The following DIAPH3 variants were observed in gnomAD, a reference collection of about 807,000 sequenced individuals.
The protein encoded by DIAPH3 is diaphanous related formin 3.
Under a neutral mutation model 144.3 loss-of-function variants are expected in DIAPH3, and 117 were observed. That is an observed-to-expected ratio of 0.81 (90% confidence interval 0.70 to 0.95). DIAPH3 has a LOEUF of 0.95. Among genes scored for constraint, DIAPH3 ranks in the 40% least tolerant of loss-of-function variants. DIAPH3 has a pLI of 0.00. For synonymous variants in DIAPH3, 519 were observed against 488.9 expected, an observed-to-expected ratio of 1.06 and a Z score of -0.81; for missense variants, 1,421 against 1,412.7, an observed-to-expected ratio of 1.01 and a Z score of -0.09.
At chr13:60,019,714 C>T (rs2053881842) in intron 5 of DIAPH3, among the ~76,000 whole-genome samples, 1 of 151,856 alleles carries the variant, frequency 6.6e-6, no homozygotes, top group South Asian at 2.1e-4. Context: ...AATTCAGTTA[C>T]TACTTCCAGA....
intron 27 of DIAPH3, among the ~76,000 whole-genome samples, chr13:59,707,360 T>A (rs2034487960): frequency 6.6e-6 from 1 of 152,178 alleles, no homozygotes; most frequent in Non-Finnish European, 1.5e-5. Context: ...TAGAAACTGG[T>A]TAAGTATCTG....
At chr13:59,802,140 GAC>G (rs1441168198) in intron 25 of DIAPH3, among the ~76,000 whole-genome samples, 1 of 152,122 alleles carries the variant, frequency 6.6e-6, no homozygotes, top group African/African-American at 2.4e-5. Context: ...ATGACCTTTT[GAC>G]ACACTGATAT....
rs896718586 is a variant in DIAPH3, at chr13:59,834,273, C to T, written c.2863-1002G>A. Among the ~76,000 whole-genome samples, 7 of 151,706 alleles carry T rather than the reference C, an allele frequency of 4.6e-5. No individual in the cohort carries two copies. The East Asian group carries it at 5.8e-4, about 13-fold the overall frequency. ...TCCAGAAAAAATGATTCTTTTAGAG[C>T]ATCACTCATAATTGCCTATGGCTCC... On this transcript the variant is annotated intron_variant, in intron 23 of 27. Coordinates refer to ENST00000400324, the MANE Select transcript of DIAPH3 (RefSeq NM_001042517.2).
intron 9 of DIAPH3, 116 bp from the exon 10 acceptor site, chr13:59,992,699 T>C: frequency 7.4e-6 from 6 of 811,068 alleles, no homozygotes; most frequent in Admixed American, 2.2e-5. Flanking sequence ...ATTAAAACAA[T>C]TTGTAAGCAA....
chr13:59,759,627 C>T (rs1033536118), intron 27 of DIAPH3, among the ~76,000 whole-genome samples: 1 of 152,084 alleles, frequency 6.6e-6, no homozygotes, highest in African/African-American at 2.4e-5. Context: ...AGGCGGTGTT[C>T]AGCTTCCAGT....
rs191467566 is a variant in DIAPH3 at position 59,804,879 on chromosome 13, T to C, written c.3163+5909A>G. Reference sequence around the variant, plus strand: ...TTATGAAAGCAAGTACAAACGTTAATTGCATATCTGTTGAGATTGGCAGAG... The same window carrying C: ...TTATGAAAGCAAGTACAAACGTTAACTGCATATCTGTTGAGATTGGCAGAG... On this transcript the variant is annotated intron_variant, in intron 25 of 27. Coordinates refer to ENST00000400324, the MANE Select transcript of DIAPH3 (RefSeq NM_001042517.2). Among the ~76,000 whole-genome samples, 248 of 152,276 alleles carry C rather than the reference T, an allele frequency of 1.6e-3. 2 individuals carry two copies. The highest frequency in any genetic ancestry group is 3.4e-3 in the Middle Eastern group (1 of 294).
At chr13:60,076,229 A>G (rs2057375751) in intron 4 of DIAPH3, among the ~76,000 whole-genome samples, 1 of 152,208 alleles carries the variant, frequency 6.6e-6, no homozygotes, top group Non-Finnish European at 1.5e-5. Flanking sequence ...GATACACATC[A>G]ACCTCTGAGT....
chr13:60,019,628 G>A (rs926488714), intron 5 of DIAPH3, among the ~76,000 whole-genome samples: 9 of 151,636 alleles, frequency 5.9e-5, no homozygotes, highest in Admixed American at 5.9e-4. Flanking sequence ...AAAAAACAGA[G>A]GGAGAGGGAG....
chr13:60,069,202 T>C (rs1051391584), intron 4 of DIAPH3, among the ~76,000 whole-genome samples: 6 of 152,232 alleles, frequency 3.9e-5, no homozygotes, highest in African/African-American at 1.4e-4. Context: ...TGGTATCTCA[T>C]TGTGGTTTAG....
At chr13:59,701,905 G>A (rs142220235) in intron 27 of DIAPH3, among the ~76,000 whole-genome samples, 8 of 152,290 alleles carry the variant, frequency 5.3e-5, no homozygotes, top group South Asian at 4.1e-4. Flanking sequence ...AAAGTTTAGC[G>A]TTCCTTAAAA....
chr13:59,996,030 G>A (rs1391939791), intron 9 of DIAPH3, among the ~76,000 whole-genome samples: 1 of 152,004 alleles, frequency 6.6e-6, no homozygotes, highest in Non-Finnish European at 1.5e-5. Context: ...GTGGTGTCCT[G>A]GAAGTATGGA....
intron 24 of DIAPH3, among the ~76,000 whole-genome samples, chr13:59,828,631 CAA>C (rs5803972): frequency 8.4e-5 from 11 of 130,376 alleles, no homozygotes; most frequent in Admixed American, 3.9e-4. Context: ...TTCTGGACCT[CAA>C]AAAAAAAAAA....
intron 13 of DIAPH3, 34 bp from the exon 14 acceptor site, chr13:59,980,893 A>G (rs1477750975): frequency 2.6e-6 from 4 of 1,539,376 alleles, no homozygotes; most frequent in Non-Finnish European, 3.6e-6. Context: ...TTTTAATGTG[A>G]AACTTCTTAA....
chr13:60,106,081 T>G (rs1488710539), intron 3 of DIAPH3, among the ~76,000 whole-genome samples: 1 of 152,140 alleles, frequency 6.6e-6, no homozygotes, highest in Non-Finnish European at 1.5e-5. Context: ...CCTCCCCACC[T>G]CTATACCAAA....
intron 25 of DIAPH3, among the ~76,000 whole-genome samples, chr13:59,803,919 A>G (rs2040065789): frequency 6.6e-6 from 1 of 152,222 alleles, no homozygotes. Flanking sequence ...TCAGAAGGAA[A>G]AAATTGTTAC....
At chr13:59,933,251 C>T (rs1158899298) in intron 17 of DIAPH3, among the ~76,000 whole-genome samples, 1 of 152,202 alleles carries the variant, frequency 6.6e-6, no homozygotes, top group Non-Finnish European at 1.5e-5. Context: ...ACATCCCAGC[C>T]TGCCACATGC....
At chr13:59,981,279 C>T (rs1187413577) in intron 13 of DIAPH3, among the ~76,000 whole-genome samples, 1 of 151,024 alleles carries the variant, frequency 6.6e-6, no homozygotes, top group African/African-American at 2.4e-5. Context: ...GTTTATTATT[C>T]CCTAACAATA....
chr13:59,950,923 A>G (rs2049061944), intron 17 of DIAPH3, among the ~76,000 whole-genome samples: 1 of 152,138 alleles, frequency 6.6e-6, no homozygotes. Context: ...TCTACGATGA[A>G]ATTGAATAGT....
chr13:60,135,718 T>A (rs2059254593), intron 1 of DIAPH3, among the ~76,000 whole-genome samples: 1 of 152,178 alleles, frequency 6.6e-6, no homozygotes. Context: ...TCAGAATAGG[T>A]TTCATTTCAA....
Sources: allele counts gnomAD v4.1 joint callset (sites outside exome capture counted in the v4.1 genomes callset), GRCh38; gene constraint gnomAD v4.1.1; transcripts MANE v1.5; gene names NCBI Gene and HGNC (gene_info 2026-07-23, HGNC 2026-07-21).